LCOR: variants seen among roughly 807,000 people sequenced by gnomAD.
LCOR encodes the protein ligand dependent nuclear receptor corepressor.
Under a neutral mutation model 64.4 loss-of-function variants are expected in LCOR, and 14 were observed. The ratio of observed to expected loss-of-function variants is 0.22; its 90% CI spans 0.14 to 0.34. LCOR has a LOEUF of 0.34. Among genes scored for constraint, LCOR ranks in the 10% least tolerant of loss-of-function variants. The pLI is 1.00. For missense variants in LCOR, 1,686 were observed against 1,765.3 expected (o/e 0.96, Z 0.80); for synonymous variants, 643 against 642.5 (o/e 1.00, Z -0.01).
At chr10:96,882,512 A>G (rs1472687299) in intron 2 of LCOR, among the ~76,000 whole-genome samples, 1 of 152,190 alleles carries the variant, frequency 6.6e-6, no homozygotes, top group Non-Finnish European at 1.5e-5. Flanking sequence ...GCTCCCACAC[A>G]TGTACAGCTC....
intron 4 of LCOR, among the ~76,000 whole-genome samples, chr10:96,930,237 A>C (rs1418548185): frequency 6.6e-6 from 1 of 152,162 alleles, no homozygotes; most frequent in Non-Finnish European, 1.5e-5. Context: ...TATGCCATTG[A>C]TCTATATGTC....
At chr10:96,955,266 A>G in intron 7 of LCOR, 1 of 1,614,204 alleles carries the variant, frequency 6.2e-7, no homozygotes, top group Non-Finnish European at 8.5e-7. Flanking sequence ...TGGTGCACTC[A>G]GCAACATCAG....
rs568546272 is a variant in LCOR, at chr10:96,901,725, A to G, written c.-329-5540A>G. Among the ~76,000 whole-genome samples, 8 of 152,252 alleles carry G rather than the reference A, an allele frequency of 5.3e-5. No homozygotes were observed. The East Asian group carries it at 1.4e-3, about 26-fold the overall frequency. Reference sequence around the variant, plus strand: ...TGTCTTTGACACTTCACTATACAATATTAGGCCATTTCTTCCTTCCTTCCT... The same window carrying G: ...TGTCTTTGACACTTCACTATACAATGTTAGGCCATTTCTTCCTTCCTTCCT... On this transcript the variant is annotated intron_variant, in intron 2 of 7. Transcript: ENST00000421806.
chr10:96,900,701 A>G (rs1468125987), intron 2 of LCOR, among the ~76,000 whole-genome samples: 3 of 152,068 alleles, frequency 2.0e-5, no homozygotes, highest in East Asian at 1.9e-4. Context: ...ATTCCCAATC[A>G]TATTTTTCTT....
At chr10:96,949,373 T>G in intron 6 of LCOR, 78 bp downstream of exon 6, 1 of 1,291,918 alleles carries the variant, frequency 7.7e-7, no homozygotes, top group Non-Finnish European at 1.1e-6. Context: ...CATTGGCAAG[T>G]AGAGCATCAG....
intron 6 of LCOR, among the ~76,000 whole-genome samples, chr10:96,951,716 A>T (rs1012721239): frequency 2.0e-5 from 3 of 152,166 alleles, no homozygotes; most frequent in South Asian, 2.1e-4. Context: ...TATAGTTTGT[A>T]TGCCATTGTG....
At chr10:96,954,988 G>T in intron 7 of LCOR, 1 of 1,614,050 alleles carries the variant, frequency 6.2e-7, no homozygotes, top group South Asian at 1.1e-5. Flanking sequence ...CGCCCAGACG[G>T]ACTTCGGAGT....
At position 96,987,248 on chromosome 10, in the gene LCOR, C is replaced by T. The variant is rs1307050109; in HGVS notation, c.*2114C>T. The T allele has an allele frequency of 6.6e-6, 1 of 152,192 alleles. No individual in the cohort carries two copies. Among genetic ancestry groups the T allele is most frequent in the East Asian group, 1.9e-4 (1 of 5,204 alleles). 9.4% of individuals were successfully genotyped at this position (152,192 alleles called of 1,614,324 possible). A position where few individuals can be genotyped will look rare whatever the true frequency, so the allele number is the denominator to read the frequency against. On this transcript the variant is annotated 3_prime_UTR_variant, in exon 8 of 8. Coordinates refer to ENST00000421806, the MANE Select transcript of LCOR (RefSeq NM_001346516.2). ...TTTTAAGGTTTTAAAAATGTCTTTT[C>T]ATATAGTTGTCACTGGATATTGTGT...
chr10:96,848,395 C>A (rs191309065), intron 2 of LCOR, among the ~76,000 whole-genome samples: 1 of 152,050 alleles, frequency 6.6e-6, no homozygotes, highest in African/African-American at 2.4e-5. Context: ...TGGTGGCTCA[C>A]GCCTGTAATC....
intron 7 of LCOR, chr10:96,955,422 C>T (rs374652294): frequency 1.9e-5 from 31 of 1,614,012 alleles, no homozygotes; most frequent in Non-Finnish European, 2.4e-5. Flanking sequence ...TTGGGAGTCT[C>T]GCACTGGTGA....
At position 96,982,601 on chromosome 10, in the gene LCOR, T is replaced by C. The variant is rs574709857; in HGVS notation, c.2141T>C (p.Leu714Ser). 7 of 1,614,142 alleles carry C rather than the reference T, an allele frequency of 4.3e-6. No homozygotes were observed. The Admixed American group carries it at 5.0e-5, about 12-fold the overall frequency. ...CSENQSSPMG[L>S]EPPMSLGKAE... is the part of the protein sequence containing the mutation. ...GAAAATCAGAGTTCCCCAATGGGCT[T>C]GGAGCCCCCCATGAGTCTGGGAAAG... The change falls in exon 8 of 8, where the codon TTG (leucine) becomes TCG (serine). Residue 714 changes from leucine (L) to serine (S), a missense_variant. Leu to Ser is a moderately radical substitution (Grantham distance 145). Coordinates refer to ENST00000421806, the MANE Select transcript of LCOR (RefSeq NM_001346516.2).
At chr10:96,885,186 G>A (rs762308317) in intron 2 of LCOR, among the ~76,000 whole-genome samples, 6 of 152,092 alleles carry the variant, frequency 3.9e-5, no homozygotes, top group East Asian at 1.9e-4. Context: ...CTTAATTTAC[G>A]GAAATGCAGT....
chr10:96,920,770 ACACACACACACACACACACACG>A (rs1847063944), intron 4 of LCOR, among the ~76,000 whole-genome samples: 1 of 122,574 alleles, frequency 8.2e-6, no homozygotes. Flanking sequence ...ACACACACAC[ACACACACACACACACACACACG>A]CGCGGTGGGG....
chr10:96,951,713 T>G (rs567108228), intron 6 of LCOR, among the ~76,000 whole-genome samples: 1 of 152,326 alleles, frequency 6.6e-6, no homozygotes, highest in South Asian at 2.1e-4. Flanking sequence ...TTCTATAGTT[T>G]GTATGCCATT....
chr10:96,970,957 A>C (rs546718188), intron 7 of LCOR, among the ~76,000 whole-genome samples: 1 of 152,164 alleles, frequency 6.6e-6, no homozygotes, highest in African/African-American at 2.4e-5. Flanking sequence ...ATCAGAGTAC[A>C]TAGGATTATA....
intron 2 of LCOR, among the ~76,000 whole-genome samples, chr10:96,840,112 T>C (rs973256922): frequency 2.0e-5 from 3 of 152,242 alleles, no homozygotes; most frequent in Non-Finnish European, 4.4e-5. Flanking sequence ...GGTATAATGA[T>C]GTCTTAAGGA....
chr10:96,942,495 A>G (rs908491364), intron 4 of LCOR, among the ~76,000 whole-genome samples: 2 of 152,008 alleles, frequency 1.3e-5, no homozygotes, highest in African/African-American at 4.8e-5. Flanking sequence ...GATTTATAAG[A>G]CTTAAAATAT....
intron 7 of LCOR, chr10:96,962,873 A>G (rs1312499890): frequency 6.6e-6 from 1 of 152,204 alleles, no homozygotes; most frequent in Non-Finnish European, 1.5e-5. Context: ...TGTTGAATAA[A>G]ACTAATGTTC....
chr10:96,969,243 C>T (rs371762528), intron 7 of LCOR, among the ~76,000 whole-genome samples: 1 of 152,120 alleles, frequency 6.6e-6, no homozygotes, highest in South Asian at 2.1e-4. Flanking sequence ...AGAGTGAGGT[C>T]GTTGTGTTCA....
Sources: allele counts gnomAD v4.1 joint callset (sites outside exome capture counted in the v4.1 genomes callset), GRCh38; gene constraint gnomAD v4.1.1; transcripts MANE v1.5; gene names NCBI Gene and HGNC (gene_info 2026-07-23, HGNC 2026-07-21).